The following MTHFD1L variants were observed in gnomAD, a reference collection of about 807,000 sequenced individuals.
The protein encoded by MTHFD1L is methylenetetrahydrofolate dehydrogenase (NADP+ dependent) 1 like.
Under a neutral mutation model 119.5 loss-of-function variants are expected in MTHFD1L, and 81 were observed. The ratio of observed to expected loss-of-function variants is 0.68; its 90% CI spans 0.57 to 0.82. The LOEUF is 0.82. Among genes scored for constraint, MTHFD1L ranks in the 40% least tolerant of loss-of-function variants. The pLI is 0.00. For missense variants in MTHFD1L, 1,125 were observed against 1,253.4 expected (o/e 0.90, Z 1.55); for synonymous variants, 430 against 475.2 (o/e 0.90, Z 1.24).
intron 24 of MTHFD1L, among the ~76,000 whole-genome samples, chr6:151,023,964 A>T (rs1309433470): frequency 3.3e-5 from 5 of 152,182 alleles, no homozygotes; most frequent in Admixed American, 1.3e-4. Flanking sequence ...ACCATTAAAT[A>T]TGATCACAGG....
chr6:151,086,180 A>G (rs13214947), intron 26 of MTHFD1L, among the ~76,000 whole-genome samples: 37,477 of 151,962 alleles, frequency 0.25, 4,743 homozygotes, highest in South Asian at 0.33. Flanking sequence ...AGCTACCCCA[A>G]AGAAATCCCA....
chr6:151,072,060 C>G (rs762489088), intron 26 of MTHFD1L, among the ~76,000 whole-genome samples: 1 of 152,044 alleles, frequency 6.6e-6, no homozygotes, highest in Non-Finnish European at 1.5e-5. Flanking sequence ...CCAGGCTAGT[C>G]TCGAACTCCT....
chr6:150,965,655 C>T (rs143996449), intron 19 of MTHFD1L, among the ~76,000 whole-genome samples: 1,969 of 99,852 alleles, frequency 0.02, 21 homozygotes, highest in South Asian at 0.062. Context: ...AGCGAGACTC[C>T]GTCTGAAAAA....
intron 26 of MTHFD1L, among the ~76,000 whole-genome samples, chr6:151,087,826 A>G (rs758396092): frequency 6.6e-6 from 1 of 152,252 alleles, no homozygotes; most frequent in Non-Finnish European, 1.5e-5. Context: ...GAGATTCAGA[A>G]GCTTCATTGT....
At position 151,101,764 on chromosome 6, in the gene MTHFD1L, C is replaced by G. The variant is rs985565134; in HGVS notation, c.*270C>G. The G allele has an allele frequency of 2.0e-5, 3 of 152,504 alleles. No individual in the cohort carries two copies. Among genetic ancestry groups the G allele is most frequent in the Admixed American group, 6.5e-5 (1 of 15,272 alleles). 9.4% of individuals were successfully genotyped at this position (152,504 alleles called of 1,614,324 possible). On this transcript the variant is annotated 3_prime_UTR_variant, in exon 28 of 28. Coordinates refer to ENST00000367321, the MANE Select transcript of MTHFD1L (RefSeq NM_015440.5). ...GTTTCCATTATTTCTACTGCTTACA[C>G]TTTAGAATGTTTATTTTATGGGGAC...
At chr6:150,955,566 C>G (rs1370449217) in intron 16 of MTHFD1L, among the ~76,000 whole-genome samples, 1 of 145,250 alleles carries the variant, frequency 6.9e-6, no homozygotes, top group African/African-American at 2.5e-5. Flanking sequence ...GTGGTGCAAT[C>G]TCAGCTCACT....
chr6:150,919,333 C>A (rs187521329), intron 9 of MTHFD1L, among the ~76,000 whole-genome samples: 3 of 152,064 alleles, frequency 2.0e-5, no homozygotes, highest in Non-Finnish European at 1.5e-5. Context: ...AAGAGATTCT[C>A]ATGCCTCAGC....
chr6:150,925,581 G>T (rs1179562302), intron 10 of MTHFD1L, among the ~76,000 whole-genome samples: 1 of 152,174 alleles, frequency 6.6e-6, no homozygotes, highest in Non-Finnish European at 1.5e-5. Context: ...TATGATTTTA[G>T]ACTGTAAATA....
intron 7 of MTHFD1L, among the ~76,000 whole-genome samples, chr6:150,905,203 T>C (rs1785705388): frequency 6.6e-6 from 1 of 151,908 alleles, no homozygotes; most frequent in Admixed American, 6.6e-5. Flanking sequence ...CTGGCTAATT[T>C]TTGTATTTTT....
chr6:150,949,856 T>C (rs1794594533), intron 16 of MTHFD1L, among the ~76,000 whole-genome samples: 1 of 152,194 alleles, frequency 6.6e-6, no homozygotes, highest in Non-Finnish European at 1.5e-5. Flanking sequence ...GCAGGTCGCA[T>C]GCATGTTCTT....
chr6:150,962,397 A>G (rs569738355), intron 18 of MTHFD1L, among the ~76,000 whole-genome samples: 1 of 152,304 alleles, frequency 6.6e-6, no homozygotes, highest in East Asian at 1.9e-4. Flanking sequence ...TCTTTTTAAT[A>G]AACTCTTTTT....
At chr6:150,918,391 G>A (rs962168416) in intron 8 of MTHFD1L, among the ~76,000 whole-genome samples, 186 bp from the exon 9 acceptor site, 1 of 152,184 alleles carries the variant, frequency 6.6e-6, no homozygotes, top group African/African-American at 2.4e-5. Context: ...TGTAAAATGT[G>A]AAGCAGGCCC....
At chr6:151,074,077 G>A (rs1157843141) in intron 26 of MTHFD1L, among the ~76,000 whole-genome samples, 5 of 152,160 alleles carry the variant, frequency 3.3e-5, no homozygotes, top group Non-Finnish European at 7.4e-5. Flanking sequence ...AAGGTGGTAG[G>A]TCAATATTTT....
chr6:150,894,193 A>AC (rs139483766), intron 7 of MTHFD1L, among the ~76,000 whole-genome samples: 2,675 of 152,190 alleles, frequency 0.018, 72 homozygotes, highest in African/African-American at 0.061. Context: ...CTGAGATTGC[A>AC]CCACCGCACT....
intron 1 of MTHFD1L, among the ~76,000 whole-genome samples, chr6:150,867,446 A>G (rs1234079535): frequency 6.6e-6 from 1 of 151,880 alleles, no homozygotes; most frequent in Non-Finnish European, 1.5e-5. Context: ...CCCTGCCCCC[A>G]AAAGCGCTGG....
intron 24 of MTHFD1L, among the ~76,000 whole-genome samples, chr6:151,031,209 A>G (rs1028252098): frequency 2.6e-5 from 4 of 152,112 alleles, no homozygotes; most frequent in Non-Finnish European, 5.9e-5. Context: ...TAAACACTGC[A>G]CTCAAAACGA....
intron 26 of MTHFD1L, among the ~76,000 whole-genome samples, chr6:151,063,424 C>G (rs117471910): frequency 0.032 from 4,920 of 152,268 alleles, 156 homozygotes; most frequent in Admixed American, 0.1. Context: ...CGTTTGTCAT[C>G]TAAATGGTCT....
chr6:151,068,212 TG>T (rs1791540490), intron 26 of MTHFD1L, among the ~76,000 whole-genome samples: 1 of 152,254 alleles, frequency 6.6e-6, no homozygotes, highest in African/African-American at 2.4e-5. Flanking sequence ...GAAAAGTTTC[TG>T]CTGGTCCTAT....
chr6:150,924,162 C>T (rs1789520458), intron 10 of MTHFD1L, among the ~76,000 whole-genome samples: 1 of 152,118 alleles, frequency 6.6e-6, no homozygotes, highest in Non-Finnish European at 1.5e-5. Flanking sequence ...TTATAAATCA[C>T]CCCAAAAATC....
Sources: allele counts gnomAD v4.1 joint callset (sites outside exome capture counted in the v4.1 genomes callset), GRCh38; gene constraint gnomAD v4.1.1; transcripts MANE v1.5; gene names NCBI Gene and HGNC (gene_info 2026-07-23, HGNC 2026-07-21).